Variants in RASSF3 observed in about 807,000 individuals in gnomAD.
RASSF3 encodes the protein Ras association domain family member 3.
A neutral mutation model predicts 19.9 loss-of-function variants in RASSF3; 19 were observed. The ratio of observed to expected loss-of-function variants is 0.96; its 90% CI spans 0.67 to 1.40. The LOEUF is 1.40. Ranked by LOEUF, RASSF3 falls within the 40% of genes most tolerant of loss-of-function variation. The pLI is 0.00. For synonymous variants in RASSF3, 110 were observed against 104.2 expected (o/e 1.06, Z -0.34); for missense variants, 306 against 289.8 (o/e 1.06, Z -0.41).
At chr12:64,629,690 C>T (rs1871108153) in intron 1 of RASSF3, among the ~76,000 whole-genome samples, 1 of 151,790 alleles carries the variant, frequency 6.6e-6, no homozygotes, top group Non-Finnish European at 1.5e-5. Context: ...GTGGACCAGG[C>T]GCGGTGGCTC....
At chr12:64,565,764 T>A (rs1313124842) in intron 2 of RASSF3, among the ~76,000 whole-genome samples, 2 of 151,376 alleles carry the variant, frequency 1.3e-5, no homozygotes, top group East Asian at 3.9e-4. Flanking sequence ...GAGCCTATAA[T>A]CCCAGCTACT....
chr12:64,641,845 C>T (rs1257625197), intron 1 of RASSF3, among the ~76,000 whole-genome samples: 2 of 151,426 alleles, frequency 1.3e-5, no homozygotes, highest in Admixed American at 6.6e-5. Context: ...CGGGTTCAAG[C>T]GATTCTTCTG....
intron 1 of RASSF3, among the ~76,000 whole-genome samples, chr12:64,629,142 G>A (rs952372766): frequency 8.0e-5 from 12 of 149,156 alleles, no homozygotes; most frequent in South Asian, 4.3e-4. Flanking sequence ...TCACTCTGTC[G>A]TCCAGGCTGG....
intron 2 of RASSF3, among the ~76,000 whole-genome samples, chr12:64,577,257 T>C (rs1223052475): frequency 6.6e-6 from 1 of 152,238 alleles, no homozygotes; most frequent in East Asian, 1.9e-4. Flanking sequence ...GTTGACAGAC[T>C]GATGATGAAA....
intron 1 of RASSF3, among the ~76,000 whole-genome samples, chr12:64,644,699 A>AAAACAAACAAAC (rs67152006): frequency 0.53 from 79,121 of 150,154 alleles, 21,917 homozygotes; most frequent in African/African-American, 0.7. Context: ...TCTCCAACCA[A>AAAACAAACAAAC]AAACAAACAA....
chr12:64,558,606 A>G (rs767054728), intron 2 of RASSF3, among the ~76,000 whole-genome samples: 1 of 152,222 alleles, frequency 6.6e-6, no homozygotes, highest in Non-Finnish European at 1.5e-5. Flanking sequence ...AATCAAGTCA[A>G]TTTAAACCCT....
chr12:64,682,552 G>A lies in RASSF3; in HGVS notation c.112-2235G>A, dbSNP rs1224069025. ...ACTGCACTCCAGCCTGGGTGACAGAGCAAGACTCCGTCTCAAAAAAAAAAA... is the reference window on the plus strand; with the variant it reads ...ACTGCACTCCAGCCTGGGTGACAGAACAAGACTCCGTCTCAAAAAAAAAAA... On this transcript the variant is annotated intron_variant, in intron 1 of 4. Transcript: ENST00000542104. Among the ~76,000 whole-genome samples, 9 of 147,398 alleles carry A rather than the reference G, an allele frequency of 6.1e-5. No individual in the cohort carries two copies. In the South Asian group the frequency reaches 6.4e-4, roughly 11 times the overall value.
intron 2 of RASSF3, among the ~76,000 whole-genome samples, chr12:64,557,540 A>G (rs1869274944): frequency 1.3e-5 from 2 of 151,880 alleles, no homozygotes; most frequent in South Asian, 4.2e-4. Flanking sequence ...CCCCCTTTGG[A>G]CCTCCAATTC....
At chr12:64,570,362 C>T (rs776888171) in intron 2 of RASSF3, among the ~76,000 whole-genome samples, 3 of 152,058 alleles carry the variant, frequency 2.0e-5, no homozygotes, top group African/African-American at 4.8e-5. Context: ...CAGATGTTTT[C>T]GCTTGGCCTT....
chr12:64,517,356 C>CA (rs1330870187), intron 1 of RASSF3, among the ~76,000 whole-genome samples: 3 of 151,370 alleles, frequency 2.0e-5, no homozygotes, highest in African/African-American at 4.8e-5. Flanking sequence ...AATTAAAATT[C>CA]AAAAAATATT....
intron 4 of RASSF3, among the ~76,000 whole-genome samples, chr12:64,694,277 T>C (rs1275717850): frequency 1.3e-5 from 2 of 152,056 alleles, no homozygotes; most frequent in African/African-American, 4.8e-5. Context: ...TAGGAAGCTG[T>C]TCCAGCGATG....
At chr12:64,625,950 C>A (rs188259639) in intron 1 of RASSF3, among the ~76,000 whole-genome samples, 7 of 152,260 alleles carry the variant, frequency 4.6e-5, no homozygotes, top group African/African-American at 1.7e-4. Context: ...GGTGGGAAAC[C>A]TCTTCCTAGT....
At chr12:64,579,080 T>C (rs1216563564) in intron 2 of RASSF3, among the ~76,000 whole-genome samples, 1 of 151,808 alleles carries the variant, frequency 6.6e-6, no homozygotes, top group Admixed American at 6.6e-5. Flanking sequence ...TGAGCCGAGA[T>C]TGAGCCGTTG....
At chr12:64,670,888 G>C (rs1005852016) in intron 1 of RASSF3, among the ~76,000 whole-genome samples, 2 of 152,144 alleles carry the variant, frequency 1.3e-5, no homozygotes, top group African/African-American at 4.8e-5. Context: ...GGATAGACCC[G>C]GGTAGGAACC....
In RASSF3 at chr12:64,515,998, T is replaced by G. The variant is rs550892977; in HGVS notation, c.169+8669T>G. Among the ~76,000 whole-genome samples the G allele has an allele frequency of 3.3e-5, 5 of 152,332 alleles. No individual in the cohort carries two copies. The East Asian group carries it at 7.7e-4, about 23-fold the overall frequency. On this transcript the variant is annotated intron_variant, in intron 1 of 5. Coordinates refer to the RASSF3 transcript ENST00000637125. ...AATGTAATTCACCATATCAATGGATTTAAAAACTGGAAAATATTTTATGAT... is the reference window on the plus strand; with the variant it reads ...AATGTAATTCACCATATCAATGGATGTAAAAACTGGAAAATATTTTATGAT...
chr12:64,650,965 A>C (rs1182939805), intron 1 of RASSF3, among the ~76,000 whole-genome samples: 1 of 152,138 alleles, frequency 6.6e-6, no homozygotes, highest in African/African-American at 2.4e-5. Flanking sequence ...TTTTGCCTCT[A>C]CTGTGACCAA....
chr12:64,516,437 G>A (rs1443139181), intron 1 of RASSF3, among the ~76,000 whole-genome samples: 1 of 150,318 alleles, frequency 6.7e-6, no homozygotes, highest in African/African-American at 2.5e-5. Context: ...GACTAGAACG[G>A]TGAAACCCCG....
intron 1 of RASSF3, among the ~76,000 whole-genome samples, chr12:64,508,528 C>A (rs796085266): frequency 8.3e-5 from 12 of 143,890 alleles, no homozygotes; most frequent in East Asian, 6.3e-4. Flanking sequence ...AAAAAAAAAA[C>A]AAAAAACAGA....
chr12:64,652,257 C>G (rs1427645372), intron 1 of RASSF3, among the ~76,000 whole-genome samples: 2 of 152,066 alleles, frequency 1.3e-5, no homozygotes, highest in African/African-American at 4.8e-5. Flanking sequence ...AGATATTATA[C>G]TTAATTTTGC....
Sources: gnomAD v4.1 joint callset for allele counts (sites outside exome capture counted in the v4.1 genomes callset) on GRCh38, gnomAD v4.1.1 for gene constraint, MANE v1.5 for transcripts, NCBI Gene and HGNC (gene_info 2026-07-23, HGNC 2026-07-21) for gene names.